SLC44A5: variants seen among roughly 807,000 people sequenced by gnomAD.
SLC44A5 encodes solute carrier family 44 member 5.
Under a neutral mutation model 101.8 loss-of-function variants are expected in SLC44A5, and 57 were observed. That is an observed-to-expected ratio of 0.56 (90% confidence interval 0.45 to 0.70). The LOEUF (loss-of-function observed/expected upper bound fraction) is 0.70, where lower values mean the gene tolerates loss of function less well. SLC44A5 is among the 30% of genes least tolerant of loss of function. The probability of loss-of-function intolerance (pLI) is 0.00; values close to 1 mark genes in which losing one functional copy is unlikely to be tolerated. For synonymous variants in SLC44A5, 281 were observed against 290.9 expected, an observed-to-expected ratio of 0.97 and a Z score of 0.35; for missense variants, 737 against 853.1, an observed-to-expected ratio of 0.86 and a Z score of 1.70.
intron 18 of SLC44A5, 72 bp downstream of exon 18, chr1:75,217,791 TATA>T: frequency 1.1e-6 from 1 of 940,052 alleles, no homozygotes. Context: ...TAGTCCAAGT[TATA>T]ATCATCAGGT....
chr1:75,293,937 G>A (rs371181928), intron 5 of SLC44A5, among the ~76,000 whole-genome samples: 7 of 152,238 alleles, frequency 4.6e-5, no homozygotes, highest in Non-Finnish European at 7.4e-5. Context: ...ATATAGGTTT[G>A]TAATTTAATT....
At chr1:75,386,007 A>C (rs548055468) in intron 3 of SLC44A5, among the ~76,000 whole-genome samples, 182 of 152,306 alleles carry the variant, frequency 1.2e-3, no homozygotes, top group Admixed American at 3.7e-3. Flanking sequence ...AAAATTCAAC[A>C]ACCCCTCATG....
chr1:75,528,311 A>C (rs1466363741), intron 2 of SLC44A5, among the ~76,000 whole-genome samples: 2 of 152,220 alleles, frequency 1.3e-5, no homozygotes, highest in Non-Finnish European at 2.9e-5. Context: ...CAGACAAGAC[A>C]TTTCAGAATA....
rs540692498 is a variant in SLC44A5 at position 75,376,656 on chromosome 1, C to T, written c.52+19927G>A. On this transcript the variant is annotated intron_variant, in intron 3 of 23. Coordinates refer to ENST00000370859, the MANE Select transcript of SLC44A5 (RefSeq NM_001130058.2). ...AAGGAAAACTAACAAACAGAAAGGA[C>T]ATCCACACCAAAAACCCATCTGTAC... Among the ~76,000 whole-genome samples the T allele has an allele frequency of 4.1e-3, 626 of 151,080 alleles. 6 individuals are homozygous for T. Among genetic ancestry groups the T allele is most frequent in the South Asian group, 0.038 (185 of 4,808 alleles).
At chr1:75,500,048 G>A (rs1235809324) in intron 2 of SLC44A5, among the ~76,000 whole-genome samples, 2 of 152,166 alleles carry the variant, frequency 1.3e-5, no homozygotes, top group Non-Finnish European at 2.9e-5. Context: ...GCATACCAAT[G>A]AAGGCCAAGA....
chr1:75,659,210 T>A, the SLC44A5 span, among the ~76,000 whole-genome samples: 1 of 151,050 alleles, frequency 6.6e-6, no homozygotes, highest in Admixed American at 6.6e-5. Flanking sequence ...AAAACTAATA[T>A]TGATTCTACT....
intron 2 of SLC44A5, among the ~76,000 whole-genome samples, chr1:75,407,922 A>G (rs1249787): frequency 0.35 from 53,123 of 152,112 alleles, 9,490 homozygotes; most frequent in Middle Eastern, 0.41. Context: ...GCGTGAACAC[A>G]CAACCTACAG....
intron 6 of SLC44A5, among the ~76,000 whole-genome samples, chr1:75,266,774 T>C (rs1235694229): frequency 6.6e-6 from 1 of 152,152 alleles, no homozygotes; most frequent in Non-Finnish European, 1.5e-5. Flanking sequence ...TCTGAAGATA[T>C]GACAGTGAAA....
the SLC44A5 span, among the ~76,000 whole-genome samples, chr1:75,678,119 G>A: frequency 3.9e-5 from 6 of 152,124 alleles, no homozygotes; most frequent in Non-Finnish European, 4.4e-5. Flanking sequence ...CCTACCCCAC[G>A]GAGTCTCACT....
intron 1 of SLC44A5, among the ~76,000 whole-genome samples, chr1:75,551,663 G>T (rs1671945445): frequency 6.6e-6 from 1 of 151,954 alleles, no homozygotes; most frequent in African/African-American, 2.4e-5. Context: ...TTCTGAACCT[G>T]AAAGCTGCAT....
the SLC44A5 span, among the ~76,000 whole-genome samples, chr1:75,639,849 G>A: frequency 1.3e-5 from 2 of 151,992 alleles, no homozygotes; most frequent in South Asian, 2.1e-4. Flanking sequence ...TTAACCAGAT[G>A]ATGAGATAAG....
the SLC44A5 span, among the ~76,000 whole-genome samples, chr1:75,659,422 A>AGCGT: frequency 1.5e-4 from 5 of 34,044 alleles, no homozygotes; most frequent in East Asian, 2.9e-3. Flanking sequence ...AGAAAGAGGG[A>AGCGT]GGGTGGGAGG....
intron 4 of SLC44A5, among the ~76,000 whole-genome samples, chr1:75,312,186 C>T (rs564797285): frequency 2.6e-5 from 4 of 152,308 alleles, no homozygotes; most frequent in South Asian, 2.1e-4. Flanking sequence ...TAAGATGTGA[C>T]TTACTCCTCC....
chr1:75,429,784 C>T (rs1345947300), intron 2 of SLC44A5, among the ~76,000 whole-genome samples: 2 of 152,124 alleles, frequency 1.3e-5, no homozygotes, highest in East Asian at 3.9e-4. Flanking sequence ...TGAGAACTCA[C>T]TCATTACTGC....
At chr1:75,415,258 G>A (rs992860457) in intron 2 of SLC44A5, among the ~76,000 whole-genome samples, 2 of 152,152 alleles carry the variant, frequency 1.3e-5, no homozygotes, top group Non-Finnish European at 2.9e-5. Context: ...TGAATCATGG[G>A]GACAGGTCTT....
At chr1:75,521,091 A>G (rs77640296) in intron 2 of SLC44A5, among the ~76,000 whole-genome samples, 6,524 of 152,302 alleles carry the variant, frequency 0.043, 177 homozygotes, top group East Asian at 0.1. Flanking sequence ...ACATACAGCA[A>G]TAAACTCTGT....
intron 2 of SLC44A5, among the ~76,000 whole-genome samples, chr1:75,495,812 G>T (rs748357385): frequency 6.6e-6 from 1 of 152,072 alleles, no homozygotes; most frequent in Non-Finnish European, 1.5e-5. Flanking sequence ...AAAATTTTTA[G>T]TTTTTGTGGG....
rs543681878 is a variant in SLC44A5 at position 75,297,582 on chromosome 1, C to T, written c.175+3030G>A. ...TTATAGGCATGAGCCACTGCCACCA[C>T]ACCTGGCCATAAAAATTTATTGAAT... On this transcript the variant is annotated intron_variant, in intron 5 of 23. Coordinates refer to ENST00000370859, the MANE Select transcript of SLC44A5 (RefSeq NM_001130058.2). Among the ~76,000 whole-genome samples the T allele has an allele frequency of 4.6e-5, 7 of 152,314 alleles. No individual in the cohort carries two copies. The South Asian group carries it at 1.4e-3, about 32-fold the overall frequency.
At chr1:75,260,844 C>T (rs1226198713) in intron 6 of SLC44A5, among the ~76,000 whole-genome samples, 1 of 152,124 alleles carries the variant, frequency 6.6e-6, no homozygotes, top group African/African-American at 2.4e-5. Flanking sequence ...ACAGTGCAAT[C>T]AAATTAGAAC....
Sources: gnomAD v4.1 joint callset for allele counts (sites outside exome capture counted in the v4.1 genomes callset) on GRCh38, gnomAD v4.1.1 for gene constraint, MANE v1.5 for transcripts, NCBI Gene and HGNC (gene_info 2026-07-23, HGNC 2026-07-21) for gene names.